The following ANKRD31 variants were observed in gnomAD, a reference collection of about 807,000 sequenced individuals.
ANKRD31 encodes the protein ankyrin repeat domain-containing protein 31.
Under a neutral mutation model 186.0 loss-of-function variants are expected in ANKRD31, and 147 were observed. The ratio of observed to expected loss-of-function variants is 0.79; its 90% CI spans 0.69 to 0.91. The LOEUF (loss-of-function observed/expected upper bound fraction) is 0.91, where lower values mean the gene tolerates loss of function less well. Among genes scored for constraint, ANKRD31 ranks in the 40% least tolerant of loss-of-function variants. The pLI is 0.00. For missense variants in ANKRD31, 1,986 were observed against 2,148.8 expected (o/e 0.92, Z 1.50); for synonymous variants, 673 against 736.4 (o/e 0.91, Z 1.39).
intron 3 of ANKRD31, 148 bp downstream of exon 3, chr5:75,222,101 T>A (rs1341990157): frequency 1.1e-5 from 6 of 535,074 alleles, no homozygotes; most frequent in Non-Finnish European, 1.9e-5. Flanking sequence ...AGAAATAGAA[T>A]GACTAGTTAA....
At chr5:75,078,895 T>C (rs1436213468) in intron 25 of ANKRD31, among the ~76,000 whole-genome samples, 1 of 152,156 alleles carries the variant, frequency 6.6e-6, no homozygotes, top group East Asian at 1.9e-4. Flanking sequence ...AGTTTTGAAA[T>C]TTCAAGGGAA....
intron 4 of ANKRD31, 24 bp downstream of exon 4, chr5:75,210,804 G>C: frequency 6.8e-7 from 1 of 1,470,886 alleles, no homozygotes; most frequent in Non-Finnish European, 9.0e-7. Context: ...ACAACATAAT[G>C]AAGCCAAAAA....
chr5:75,123,792 T>C (rs1490043988), intron 17 of ANKRD31, among the ~76,000 whole-genome samples: 2 of 151,944 alleles, frequency 1.3e-5, no homozygotes, highest in African/African-American at 2.4e-5. Flanking sequence ...TATAGACAAA[T>C]CAAAGACTTA....
intron 10 of ANKRD31, among the ~76,000 whole-genome samples, chr5:75,170,300 A>G (rs1050850859): frequency 6.6e-6 from 1 of 152,182 alleles, no homozygotes; most frequent in African/African-American, 2.4e-5. Flanking sequence ...TAGAGTAACT[A>G]TGAAAAAATA....
chr5:75,180,141 A>C (rs182959658), intron 10 of ANKRD31, among the ~76,000 whole-genome samples: 8,273 of 152,260 alleles, frequency 0.054, 522 homozygotes, highest in African/African-American at 0.15. Flanking sequence ...AAATTGCTTC[A>C]AAGAGAATAA....
At chr5:75,127,564 T>A (rs1749352371) in intron 17 of ANKRD31, among the ~76,000 whole-genome samples, 1 of 152,248 alleles carries the variant, frequency 6.6e-6, no homozygotes, top group East Asian at 1.9e-4. Context: ...ACACTATAGA[T>A]AATATAAATC....
At chr5:75,088,012 T>C (rs1031722392) in intron 23 of ANKRD31, among the ~76,000 whole-genome samples, 1 of 152,212 alleles carries the variant, frequency 6.6e-6, no homozygotes, top group African/African-American at 2.4e-5. Context: ...TTAAAAGAGA[T>C]CACATATCTA....
chr5:75,126,206 C>G lies in ANKRD31; in HGVS notation c.3877-7909G>C, dbSNP rs545942368. Reference sequence around the variant, plus strand: ...CCTGTAATCCCAGCACTTTGGGAGGCCAAGGTGGGTGGATCACCTGAGGTC... The same window carrying G: ...CCTGTAATCCCAGCACTTTGGGAGGGCAAGGTGGGTGGATCACCTGAGGTC... On this transcript the variant is annotated intron_variant, in intron 17 of 25. Coordinates refer to ENST00000506364, the MANE Select transcript of ANKRD31 (RefSeq NM_001372053.1). Among the ~76,000 whole-genome samples the G allele has an allele frequency of 3.6e-3, 552 of 152,242 alleles. 1 individual carries two copies. The highest frequency in any genetic ancestry group is 0.034 in the Middle Eastern group (10 of 294).
chr5:75,104,594 AGCATTTT>A lies in ANKRD31; in HGVS notation c.4958_4964del (p.Glu1653ValfsTer46). 6.5e-7 allele frequency: 1 copy of A among 1,536,430 alleles called. No homozygotes were observed. Among genetic ancestry groups the A allele is most frequent in the Non-Finnish European group, 8.7e-7 (1 of 1,146,558 alleles). On this transcript the variant is annotated frameshift_variant, in exon 22 of 26. Transcript: ENST00000506364. LOFTEE classifies it high-confidence loss of function. Reference sequence around the variant, plus strand: ...CACAAATAATATTTGATGGATGGGCAGCATTTTCGGCAAGGACACTTGCAGTTTCTGA... The same window carrying A: ...CACAAATAATATTTGATGGATGGGCACGGCAAGGACACTTGCAGTTTCTGA...
chr5:75,095,554 C>G (rs911067218), intron 22 of ANKRD31, among the ~76,000 whole-genome samples: 1 of 152,164 alleles, frequency 6.6e-6, no homozygotes, highest in African/African-American at 2.4e-5. Context: ...AAATCTCACA[C>G]TGTCCCACTC....
chr5:75,230,598 A>T lies in ANKRD31; in HGVS notation c.142T>A (p.Phe48Ile), dbSNP rs1456861122. 1 of 1,536,858 alleles carries T rather than the reference A, an allele frequency of 6.5e-7. No homozygotes were observed. The highest frequency in any genetic ancestry group is 2.0e-5 in the Admixed American group (1 of 50,962). The part of the protein sequence containing the change: ...FDQDASLKSE[F>I]SLHPDTRGMC... The stretch of plus-strand genomic sequence containing the variant: ...CCTCTTGTATCAGGATGCAGACTGA[A>T]CTCAGATTTAAGAGATGCGTCTTGA... The change falls in exon 2 of 26, where the codon TTC becomes ATC. Residue 48 changes from phenylalanine (F) to isoleucine (I), a missense_variant. Coordinates refer to ENST00000506364, the MANE Select transcript of ANKRD31 (RefSeq NM_001372053.1).
chr5:75,114,205 G>A (rs890936569), intron 19 of ANKRD31, among the ~76,000 whole-genome samples: 34 of 151,936 alleles, frequency 2.2e-4, no homozygotes, highest in Non-Finnish European at 5.9e-5. Context: ...ATATGGGATC[G>A]AGGGCAGCTA....
At chr5:75,232,262 T>C (rs1421034536) in intron 1 of ANKRD31, among the ~76,000 whole-genome samples, 2 of 152,028 alleles carry the variant, frequency 1.3e-5, no homozygotes, top group African/African-American at 4.8e-5. Context: ...TGAGGTTTTT[T>C]GTTTGTTTGT....
intron 2 of ANKRD31, 108 bp from the exon 3 acceptor site, chr5:75,222,466 T>A: frequency 1.3e-6 from 1 of 768,598 alleles, no homozygotes; most frequent in Non-Finnish European, 2.0e-6. Context: ...AATCATCTAG[T>A]ATATTATTTC....
At position 75,169,140 on chromosome 5, in the gene ANKRD31, C is replaced by T. The variant is rs139189567; in HGVS notation, c.1565-19G>A. Reference sequence around the variant, plus strand: ...GTCCAACCTATCATACAAAAAGATACGGCATTTGTTTACATTTGGCATCTT... The same window carrying T: ...GTCCAACCTATCATACAAAAAGATATGGCATTTGTTTACATTTGGCATCTT... On this transcript the variant is annotated intron_variant, in intron 10 of 25. Coordinates refer to ENST00000506364, the MANE Select transcript of ANKRD31 (RefSeq NM_001372053.1). 1,197 of 1,527,650 alleles carry T rather than the reference C, an allele frequency of 7.8e-4. 3 individuals are homozygous for T. Among genetic ancestry groups the T allele is most frequent in the Non-Finnish European group, 9.4e-4 (1,076 of 1,139,778 alleles). The allele number at this position is 1,527,650 out of a possible 1,614,324, so 94.6% of individuals were successfully genotyped here. A position where few individuals can be genotyped will look rare whatever the true frequency, so the allele number is the denominator to read the frequency against.
At chr5:75,230,031 T>A (rs988391629) in intron 2 of ANKRD31, among the ~76,000 whole-genome samples, 1 of 152,052 alleles carries the variant, frequency 6.6e-6, no homozygotes, top group African/African-American at 2.4e-5. Context: ...CATGTCTAAA[T>A]GGTCCCAATA....
intron 20 of ANKRD31, among the ~76,000 whole-genome samples, chr5:75,108,420 A>G (rs1469104424): frequency 2.6e-5 from 4 of 152,072 alleles, no homozygotes; most frequent in Admixed American, 2.6e-4. Flanking sequence ...ATGATTACCC[A>G]TAAATGTGGG....
chr5:75,201,463 G>A (rs543211320), intron 5 of ANKRD31, among the ~76,000 whole-genome samples: 1 of 152,114 alleles, frequency 6.6e-6, no homozygotes, highest in African/African-American at 2.4e-5. Context: ...AACTACCTTT[G>A]GAAGGAGAGG....
At chr5:75,076,242 T>C (rs1744636115) in intron 25 of ANKRD31, among the ~76,000 whole-genome samples, 1 of 152,134 alleles carries the variant, frequency 6.6e-6, no homozygotes, top group African/African-American at 2.4e-5. Flanking sequence ...CTCACACAAC[T>C]GCCCTCACTT....
Sources: gnomAD v4.1 joint callset for allele counts (sites outside exome capture counted in the v4.1 genomes callset) on GRCh38, gnomAD v4.1.1 for gene constraint, MANE v1.5 for transcripts, NCBI Gene and HGNC (gene_info 2026-07-23, HGNC 2026-07-21) for gene names.